The following FRRS1L variants were observed in gnomAD, a reference collection of about 807,000 sequenced individuals.
FRRS1L encodes DOMON domain-containing protein FRRS1L.
Under a neutral mutation model 28.6 loss-of-function variants are expected in FRRS1L, and 22 were observed. That is an observed-to-expected ratio of 0.77 (90% CI 0.55 to 1.10). The LOEUF (loss-of-function observed/expected upper bound fraction) is 1.10. FRRS1L is among the 50% of genes least tolerant of loss of function. FRRS1L has a pLI of 0.00. For synonymous variants in FRRS1L, 158 were observed against 151.4 expected (o/e 1.04, Z -0.32); for missense variants, 380 against 386.9 (o/e 0.98, Z 0.15).
chr9:109,141,702 T>G, intron 3 of FRRS1L, 113 bp from the exon 4 acceptor site: 1 of 1,189,566 alleles, frequency 8.4e-7, no homozygotes, highest in Non-Finnish European at 1.2e-6. Flanking sequence ...ACCAAAAAAA[T>G]TCTTTTAAGT....
chr9:109,149,774 G>A (rs907664616), intron 1 of FRRS1L, 54 bp from the exon 2 acceptor site: 12 of 1,212,190 alleles, frequency 9.9e-6, no homozygotes, highest in Non-Finnish European at 1.3e-5. Context: ...CTGTTCCAAT[G>A]AGAATTTTTA....
At chr9:109,165,168 ATTC>A (rs1363415178) in intron 1 of FRRS1L, among the ~76,000 whole-genome samples, 1 of 152,210 alleles carries the variant, frequency 6.6e-6, no homozygotes, top group Non-Finnish European at 1.5e-5. Context: ...CGGAATATTT[ATTC>A]TTTTCCAGAG....
At position 109,166,928 on chromosome 9, in the gene FRRS1L, A is replaced by T; in HGVS notation, c.211T>A (p.Tyr71Asn). The T allele has an allele frequency of 7.3e-7, 1 of 1,366,914 alleles. No individual in the cohort carries two copies. Among genetic ancestry groups the T allele is most frequent in the Non-Finnish European group, 9.5e-7 (1 of 1,050,782 alleles). The allele number at this position is 1,366,914 out of a possible 1,614,324, so 84.7% of individuals were successfully genotyped here. Residue 71 changes from tyrosine to asparagine, a missense_variant, in exon 1 of 5, where the codon TAC becomes AAC. Transcript: ENST00000561981. ...TCCTCCGACAGGTAGCGCAGGTCGT[A>T]GAACTCCCCCGCGAAGGTGCCGTAG... is the stretch of plus-strand genomic sequence containing the variant. ...SSYGTFAGEF[Y>N]DLRYLSEEGY...
intron 1 of FRRS1L, among the ~76,000 whole-genome samples, chr9:109,152,541 A>G (rs1588101361): frequency 6.6e-6 from 1 of 151,746 alleles, no homozygotes; most frequent in Non-Finnish European, 1.5e-5. Context: ...ATGGTGGCTC[A>G]CACCTGTAAT....
intron 4 of FRRS1L, 73 bp from the exon 5 acceptor site, chr9:109,137,700 GA>G: frequency 2.1e-6 from 2 of 964,594 alleles, no homozygotes; most frequent in Non-Finnish European, 2.9e-6. Flanking sequence ...GCAAACAATG[GA>G]AAAATCAAAA....
intron 1 of FRRS1L, among the ~76,000 whole-genome samples, chr9:109,165,191 C>A (rs1196408314): frequency 1.3e-5 from 2 of 152,230 alleles, no homozygotes; most frequent in African/African-American, 4.8e-5. Flanking sequence ...GTGACAGATT[C>A]CGCCACATGG....
chr9:109,144,724 C>T (rs1187352213), intron 3 of FRRS1L, among the ~76,000 whole-genome samples: 1 of 152,022 alleles, frequency 6.6e-6, no homozygotes, highest in East Asian at 1.9e-4. Flanking sequence ...ATTCTCGTTG[C>T]CCAGGCTGGA....
chr9:109,150,892 A>C (rs1304510004), intron 1 of FRRS1L: 2 of 152,214 alleles, frequency 1.3e-5, no homozygotes, highest in Admixed American at 1.3e-4. Context: ...GAATAAATAA[A>C]ATCACCCACA....
chr9:109,143,267 A>G (rs559082687), intron 3 of FRRS1L, among the ~76,000 whole-genome samples: 174 of 152,214 alleles, frequency 1.1e-3, no homozygotes, highest in African/African-American at 4.1e-3. Context: ...GTGAGCCGAA[A>G]TAGTGCCACT....
intron 2 of FRRS1L, chr9:109,147,977 T>TC: frequency 6.7e-6 from 1 of 149,062 alleles, no homozygotes; most frequent in East Asian, 1.9e-4. Context: ...TTTTTTTTCT[T>TC]TTTTTTTTTT....
intron 4 of FRRS1L, chr9:109,137,874 A>T (rs898726476): frequency 3.5e-5 from 8 of 225,714 alleles, no homozygotes; most frequent in Non-Finnish European, 5.2e-5. Flanking sequence ...CCCCATCAGA[A>T]CAATGCTGTT....
At chr9:109,142,717 G>C (rs1831202512) in intron 3 of FRRS1L, among the ~76,000 whole-genome samples, 1 of 152,098 alleles carries the variant, frequency 6.6e-6, no homozygotes, top group African/African-American at 2.4e-5. Context: ...GGAGGCTGAG[G>C]TAGGAGGATC....
intron 2 of FRRS1L, 53 bp downstream of exon 2, chr9:109,149,583 G>C (rs1831303805): frequency 8.3e-7 from 1 of 1,198,080 alleles, no homozygotes; most frequent in Admixed American, 1.7e-5. Flanking sequence ...ATACTACCCT[G>C]AGAAGTAAAT....
chr9:109,134,859 T>G lies in FRRS1L; in HGVS notation c.*2596A>C, dbSNP rs550010218. On this transcript the variant is annotated 3_prime_UTR_variant, in exon 5 of 5. Transcript: ENST00000561981. The stretch of plus-strand genomic sequence containing the variant: ...GCTTCTTATTTACAACATGGCTGCC[T>G]GCATATCAGTATCTTCACTACTAAA... 3.2e-4 allele frequency: 48 copies of G among 152,320 alleles called. No individual in the cohort carries two copies. Among genetic ancestry groups the G allele is most frequent in the African/African-American group, 1.1e-3 (45 of 41,562 alleles). The allele number at this position is 152,320 out of a possible 1,614,324, so 9.4% of individuals were successfully genotyped here. A position where few individuals can be genotyped will look rare whatever the true frequency, so the allele number is the denominator to read the frequency against.
chr9:109,150,040 C>T (rs951970315), intron 1 of FRRS1L: 4 of 217,168 alleles, frequency 1.8e-5, no homozygotes, highest in South Asian at 1.0e-4. Flanking sequence ...GAGAATCACA[C>T]GTTTAATACA....
At chr9:109,150,996 T>C (rs1208792243) in intron 1 of FRRS1L, 1 of 152,246 alleles carries the variant, frequency 6.6e-6, no homozygotes, top group Non-Finnish European at 1.5e-5. Context: ...CTTTGGGATT[T>C]GTAATGCTAC....
chr9:109,145,574 G>A (rs1367142831), intron 3 of FRRS1L, among the ~76,000 whole-genome samples: 1 of 151,958 alleles, frequency 6.6e-6, no homozygotes, highest in Non-Finnish European at 1.5e-5. Flanking sequence ...TGTATTACAG[G>A]TGGGATTACA....
intron 1 of FRRS1L, among the ~76,000 whole-genome samples, chr9:109,156,580 G>C (rs1326491477): frequency 6.6e-6 from 1 of 151,122 alleles, no homozygotes; most frequent in Middle Eastern, 3.5e-3. Context: ...TAGTAGAGAC[G>C]GGGTTTCACC....
In FRRS1L at chr9:109,167,013, G is replaced by T. The variant is rs1425779857; in HGVS notation, c.126C>A (p.Pro42=). The T allele has an allele frequency of 1.4e-5, 17 of 1,230,162 alleles. No individual in the cohort carries two copies. In the Admixed American group the frequency reaches 6.8e-4, roughly 49 times the overall value. The allele number at this position is 1,230,162 out of a possible 1,614,324, so 76.2% of individuals were successfully genotyped here. Residue 42 remains proline (P), a synonymous_variant, in exon 1 of 5, where the codon CCC becomes CCA. Transcript: ENST00000561981. Reference sequence around the variant, plus strand: ...CCGTGTCCCCCCGCGCGCGTCCCCGGGGTCCCCGGCCCCCCGGGCCCGCAC... The same window carrying T: ...CCGTGTCCCCCCGCGCGCGTCCCCGTGGTCCCCGGCCCCCCGGGCCCGCAC... The part of the protein sequence containing the change: ...DDGAGPGGRG[P]RGRARGDTGA...
Sources: gnomAD v4.1 joint callset for allele counts (sites outside exome capture counted in the v4.1 genomes callset) on GRCh38, gnomAD v4.1.1 for gene constraint, MANE v1.5 for transcripts, NCBI Gene and HGNC (gene_info 2026-07-23, HGNC 2026-07-21) for gene names.